EPS8L2: variants seen among roughly 807,000 people sequenced by gnomAD.
EPS8L2 encodes epidermal growth factor receptor kinase substrate 8-like protein 2.
Under a neutral mutation model 99.4 loss-of-function variants are expected in EPS8L2, and 81 were observed. That is an observed-to-expected ratio of 0.82 (90% CI 0.68 to 0.98). The LOEUF (loss-of-function observed/expected upper bound fraction) is 0.98. Among genes scored for constraint, EPS8L2 ranks in the 50% least tolerant of loss-of-function variants. The probability of loss-of-function intolerance (pLI) is 0.00; values close to 1 mark genes in which losing one functional copy is unlikely to be tolerated. For missense variants in EPS8L2, 1,155 were observed against 968.8 expected (o/e 1.19, Z -2.55); for synonymous variants, 509 against 407.3 (o/e 1.25, Z -3.01).
intron 4 of EPS8L2, among the ~76,000 whole-genome samples, chr11:711,715 G>A (rs371656474): frequency 6.9e-6 from 1 of 145,912 alleles, no homozygotes; most frequent in Admixed American, 6.9e-5. Context: ...CAGGCGCGGT[G>A]GCTCACGCCT....
Position 721,277 on chromosome 11 carries a change from C to G in EPS8L2, c.701-8C>G. The G allele has an allele frequency of 1.3e-6, 2 of 1,540,246 alleles. No individual in the cohort carries two copies. Among genetic ancestry groups the G allele is most frequent in the Non-Finnish European group, 1.7e-6 (2 of 1,146,362 alleles). On this transcript the variant is annotated splice_polypyrimidine_tract_variant and splice_region_variant and intron_variant, in intron 8 of 20. Coordinates refer to ENST00000318562, the MANE Select transcript of EPS8L2 (RefSeq NM_022772.4). ...GGCTCGGTGAGCAGCCGCCGTGTCC[C>G]CCATCAGGTTTCCGCCGTCGGGAGT...
chr11:720,546 C>T, intron 5 of EPS8L2, 51 bp from the exon 6 acceptor site: 1 of 1,566,766 alleles, frequency 6.4e-7, no homozygotes, highest in Non-Finnish European at 8.6e-7. Flanking sequence ...CACTCCCTGC[C>T]AGAGTGCCCA....
In EPS8L2 at chr11:724,937, A is replaced by C. The variant is rs972272847; in HGVS notation, c.1560+108A>C. On this transcript the variant is annotated intron_variant, in intron 16 of 20. Coordinates refer to ENST00000318562, the MANE Select transcript of EPS8L2 (RefSeq NM_022772.4). This position sits in a 1 kb window ranked among gnomAD's most constrained non-coding sequence, Gnocchi z 5.5. Reference sequence around the variant, plus strand: ...GTCTAGGGCCAGGCTGGGTGATGCCAGGACGGGGCACAGCTGCTGGCCCCT... The same window carrying C: ...GTCTAGGGCCAGGCTGGGTGATGCCCGGACGGGGCACAGCTGCTGGCCCCT... 7.6e-6 allele frequency: 6 copies of C among 787,178 alleles called. No homozygotes were observed. The highest frequency in any genetic ancestry group is 6.4e-6 in the Non-Finnish European group (3 of 465,434). The allele number at this position is 787,178 out of a possible 1,614,324, so 48.8% of individuals were successfully genotyped here. A position where few individuals can be genotyped will look rare whatever the true frequency, so the allele number is the denominator to read the frequency against.
chr11:717,449 G>A (rs1467286078), intron 4 of EPS8L2, among the ~76,000 whole-genome samples: 1 of 152,258 alleles, frequency 6.6e-6, no homozygotes, highest in Non-Finnish European at 1.5e-5. Context: ...GATGGTGTGT[G>A]CAGCTTTAGA....
At chr11:721,747 GGGGACAGGGACGGGGACGGGGCCA>G in intron 10 of EPS8L2, 56 bp downstream of exon 10, 1 of 1,440,838 alleles carries the variant, frequency 6.9e-7, no homozygotes, top group Non-Finnish European at 9.6e-7. Flanking sequence ...AGCAGGTGCA[GGGGACAGGGACGGGGACGGGGCCA>G]GGGACATCCA....
In EPS8L2 at chr11:715,972, T is replaced by A. The variant is rs1590050318; in HGVS notation, c.166-4090T>A. Among the ~76,000 whole-genome samples the A allele has an allele frequency of 4.3e-5, 6 of 138,782 alleles. 1 individual carries two copies. The highest frequency in any genetic ancestry group is 1.6e-4 in the African/African-American group (6 of 38,246). The allele number at this position is 138,782 out of a possible 152,430, so 91.0% of individuals were successfully genotyped here. A position where few individuals can be genotyped will look rare whatever the true frequency, so the allele number is the denominator to read the frequency against. On this transcript the variant is annotated intron_variant, in intron 4 of 20. Coordinates refer to ENST00000318562, the MANE Select transcript of EPS8L2 (RefSeq NM_022772.4). ...GTGAAACCTTAGATTATTTATCTTT[T>A]TTTTTTTTTTTTTTTTCTGAGATGG...
intron 4 of EPS8L2, among the ~76,000 whole-genome samples, chr11:719,762 C>T (rs1262937122): frequency 6.6e-6 from 1 of 152,200 alleles, no homozygotes; most frequent in Non-Finnish European, 1.5e-5. Flanking sequence ...GCTGGCAAAG[C>T]TGGTGCAGTG....
Position 720,691 on chromosome 11 carries a change from A to G in EPS8L2, c.422A>G (p.Gln141Arg). 4 of 1,596,558 alleles carry G rather than the reference A, an allele frequency of 2.5e-6. No homozygotes were observed. In the South Asian group the frequency reaches 4.5e-5, roughly 18 times the overall value. The change falls in exon 6 of 21, where the codon CAG (glutamine) becomes CGG (arginine). Residue 141 changes from glutamine (Q) to arginine (R), a missense_variant. Gln to Arg is a conservative substitution (Grantham distance 43). Transcript: ENST00000318562. ...CCGTCTGTGCTGCTGCTCGTGTGCC[A>G]GGACTCGGAGCAGAGCAAGCCGGAT... Reference protein sequence around the residue: ...RYPSVLLLVCQDSEQSKPDVH... With the variant: ...RYPSVLLLVCRDSEQSKPDVH...
At chr11:710,766 G>A (rs1590046814) in intron 4 of EPS8L2, among the ~76,000 whole-genome samples, 1 of 152,196 alleles carries the variant, frequency 6.6e-6, no homozygotes, top group East Asian at 1.9e-4. Context: ...GAGAAAGAGA[G>A]AAAGGGAGGA....
intron 1 of EPS8L2, 56 bp downstream of exon 1, chr11:706,344 G>A (rs1458252784): frequency 6.6e-6 from 1 of 152,160 alleles, no homozygotes; most frequent in Non-Finnish European, 1.5e-5. Flanking sequence ...TTACCCGGTG[G>A]CGATGGGACG....
chr11:727,521 G>GA lies in EPS8L2; in HGVS notation c.*541dup, dbSNP rs913951778. 2.0e-5 allele frequency: 3 copies of GA among 153,494 alleles called. No individual in the cohort carries two copies. Among genetic ancestry groups the GA allele is most frequent in the African/African-American group, 7.2e-5 (3 of 41,436 alleles). The allele number at this position is 153,494 out of a possible 1,614,324, so 9.5% of individuals were successfully genotyped here. On this transcript the variant is annotated 3_prime_UTR_variant, in exon 21 of 21. Transcript: ENST00000318562. ...ACCTGCAAGGGCCGACAACGCAGGG[G>GA]ACACCGTGCCGGCTTCAGACACTCC...
At chr11:726,244 T>C in intron 18 of EPS8L2, 60 bp from the exon 19 acceptor site, 6 of 1,559,566 alleles carry the variant, frequency 3.8e-6, no homozygotes, top group Middle Eastern at 1.7e-4. Context: ...GGGGGGTCCC[T>C]GGGCCGGGGG....
intron 4 of EPS8L2, among the ~76,000 whole-genome samples, chr11:717,935 G>C (rs1220451617): frequency 6.6e-6 from 1 of 152,128 alleles, no homozygotes; most frequent in Admixed American, 6.6e-5. Context: ...CGTGAACCTG[G>C]GAGGCGGAGA....
In EPS8L2 at chr11:709,651, A is replaced by G. The variant is rs776567655; in HGVS notation, c.100+43A>G. 3 of 1,600,330 alleles carry G rather than the reference A, an allele frequency of 1.9e-6. No homozygotes were observed. In the Admixed American group the frequency reaches 5.0e-5, roughly 27 times the overall value. On this transcript the variant is annotated intron_variant, in intron 3 of 20. Transcript: ENST00000318562. ...ACGGGCTGGACGTCACAGGGGAGAA[A>G]TGGGCACTGCATCCAGGTGGGGGAC...
At chr11:715,227 G>C (rs1861992485) in intron 4 of EPS8L2, among the ~76,000 whole-genome samples, 1 of 149,962 alleles carries the variant, frequency 6.7e-6, no homozygotes, top group Non-Finnish European at 1.5e-5. Context: ...GGGAGACAGA[G>C]TGAGACTCTG....
Position 720,073 on chromosome 11 carries a change from A to C in EPS8L2, c.177A>C (p.Thr59=). 1.2e-6 allele frequency: 2 copies of C among 1,612,606 alleles called. No individual in the cohort carries two copies. Among genetic ancestry groups the C allele is most frequent in the Non-Finnish European group, 1.7e-6 (2 of 1,179,610 alleles). The change falls in exon 5 of 21, where the codon ACA becomes ACC. Residue 59 remains threonine, a synonymous_variant. Coordinates refer to ENST00000318562, the MANE Select transcript of EPS8L2 (RefSeq NM_022772.4). Reference sequence around the variant, plus strand: ...CTGCCCACCCCCAGCACCTGGCCACATTCATCATGGACAAGAGCGAAGCCA... The same window carrying C: ...CTGCCCACCCCCAGCACCTGGCCACCTTCATCATGGACAAGAGCGAAGCCA... The part of the protein sequence containing the change: ...TSQYHVQHLA[T]FIMDKSEAIT...
intron 4 of EPS8L2, among the ~76,000 whole-genome samples, chr11:714,486 C>A (rs1184430577): frequency 6.6e-6 from 1 of 151,926 alleles, no homozygotes; most frequent in African/African-American, 2.4e-5. Flanking sequence ...CAGCCTTAGC[C>A]TCCCAAAGTG....
chr11:721,694 G>A lies in EPS8L2; in HGVS notation c.895+3G>A, dbSNP rs763400115. 1.3e-6 allele frequency: 2 copies of A among 1,599,406 alleles called. No individual in the cohort carries two copies. Among genetic ancestry groups the A allele is most frequent in the East Asian group, 2.2e-5 (1 of 44,674 alleles). On this transcript the variant is annotated splice_donor_region_variant and intron_variant, in intron 10 of 20. Transcript: ENST00000318562. Reference sequence around the variant, plus strand: ...GAAGGGCAAGAAGGCGCCAGCAGGTGCAGGGGACAGGGACGGGGCCGGCAG... The same window carrying A: ...GAAGGGCAAGAAGGCGCCAGCAGGTACAGGGGACAGGGACGGGGCCGGCAG...
intron 4 of EPS8L2, among the ~76,000 whole-genome samples, chr11:717,342 C>A (rs1054052960): frequency 2.6e-5 from 4 of 152,138 alleles, no homozygotes; most frequent in Admixed American, 2.0e-4. Context: ...TAGGCTGGGT[C>A]CAGTCTTTAT....
Sources: gnomAD v4.1 joint callset for allele counts (sites outside exome capture counted in the v4.1 genomes callset) on GRCh38, gnomAD v4.1.1 for gene constraint, Gnocchi (gnomAD v3.1) non-coding constraint, MANE v1.5 for transcripts, NCBI Gene and HGNC (gene_info 2026-07-23, HGNC 2026-07-21) for gene names.